FMN2: variants seen among roughly 807,000 people sequenced by gnomAD.
The protein encoded by FMN2 is formin-2.
A neutral mutation model predicts 142.3 loss-of-function variants in FMN2; 51 were observed. That is an observed-to-expected ratio of 0.36 (90% confidence interval 0.29 to 0.45). The LOEUF (loss-of-function observed/expected upper bound fraction) is 0.45, where lower values mean the gene tolerates loss of function less well. Among genes scored for constraint, FMN2 ranks in the 20% least tolerant of loss-of-function variants. The pLI is 1.00. For missense variants in FMN2, 1,936 were observed against 2,122.8 expected, an observed-to-expected ratio of 0.91 and a Z score of 1.73; for synonymous variants, 882 against 869.8, an observed-to-expected ratio of 1.01 and a Z score of -0.25.
At chr1:240,334,350 T>C in intron 13 of FMN2, 121 bp downstream of exon 13, 1 of 1,209,412 alleles carries the variant, frequency 8.3e-7, no homozygotes, top group East Asian at 2.6e-5. Context: ...AATTTGTGTG[T>C]GTGTGGCGAA....
At chr1:240,117,587 G>A (rs150108008) in intron 1 of FMN2, among the ~76,000 whole-genome samples, 13 of 152,326 alleles carry the variant, frequency 8.5e-5, no homozygotes, top group African/African-American at 1.9e-4. Flanking sequence ...GACACAGCAC[G>A]AGTGATGGAT....
At chr1:240,148,285 GAGAC>G (rs200954117) in intron 2 of FMN2, among the ~76,000 whole-genome samples, 122 of 44,834 alleles carry the variant, frequency 2.7e-3, no homozygotes, top group African/African-American at 5.0e-3. Flanking sequence ...GACAGAGACA[GAGAC>G]AGACAGAGAC....
intron 8 of FMN2, among the ~76,000 whole-genome samples, chr1:240,316,560 AG>A (rs146618889): frequency 6.6e-6 from 1 of 152,090 alleles, no homozygotes; most frequent in African/African-American, 2.4e-5. Context: ...GATGTTTTTC[AG>A]GGGAAGACTC....
intron 3 of FMN2, among the ~76,000 whole-genome samples, chr1:240,185,060 T>TG (rs1665362258): frequency 7.0e-6 from 1 of 142,706 alleles, no homozygotes; most frequent in African/African-American, 2.6e-5. Flanking sequence ...CTCCTATACC[T>TG]TCCCCTTCTC....
intron 13 of FMN2, among the ~76,000 whole-genome samples, chr1:240,338,625 T>C (rs1234862329): frequency 6.6e-6 from 1 of 152,160 alleles, no homozygotes; most frequent in Admixed American, 6.5e-5. Flanking sequence ...GGATCCTCAC[T>C]TAGTTCAGCG....
chr1:240,118,509 G>T (rs199974223), intron 1 of FMN2, among the ~76,000 whole-genome samples: 1 of 152,094 alleles, frequency 6.6e-6, no homozygotes, highest in Non-Finnish European at 1.5e-5. Context: ...CCCCTTCCTC[G>T]TTGTTGCTAA....
intron 8 of FMN2, among the ~76,000 whole-genome samples, chr1:240,296,927 G>A (rs1430639399): frequency 6.6e-6 from 1 of 152,182 alleles, no homozygotes; most frequent in Non-Finnish European, 1.5e-5. Context: ...CGTGTGTTTA[G>A]TATATTCACA....
chr1:240,157,679 CTT>C (rs1423479583), intron 2 of FMN2, among the ~76,000 whole-genome samples: 1 of 152,030 alleles, frequency 6.6e-6, no homozygotes, highest in Non-Finnish European at 1.5e-5. Flanking sequence ...TTATGGAACA[CTT>C]GATATTTCAG....
chr1:240,174,043 C>T (rs1021956833), intron 2 of FMN2, among the ~76,000 whole-genome samples: 5 of 152,130 alleles, frequency 3.3e-5, no homozygotes, highest in African/African-American at 9.7e-5. Flanking sequence ...CTCTCAGTCA[C>T]TCCAGCCCTG....
At position 240,441,055 on chromosome 1, in the gene FMN2, C is replaced by T. The variant is rs951063277; in HGVS notation, c.5060+2845C>T. ...CTGTCGCCACACTGGAGTGCGGTGGCGCGATCTTGGCTCACTGCAACCTCT... is the reference window on the plus strand; with the variant it reads ...CTGTCGCCACACTGGAGTGCGGTGGTGCGATCTTGGCTCACTGCAACCTCT... On this transcript the variant is annotated intron_variant, in intron 16 of 17. Transcript: ENST00000319653. 1.5e-4 allele frequency among the ~76,000 whole-genome samples: 21 copies of T among 143,918 alleles called. 1 individual carries two copies. Among genetic ancestry groups the T allele is most frequent in the Admixed American group, 9.0e-4 (12 of 13,388 alleles). 94.4% of individuals were successfully genotyped at this position (143,918 alleles called of 152,430 possible).
chr1:240,204,749 C>T (rs760097263), intron 4 of FMN2, among the ~76,000 whole-genome samples: 10 of 150,702 alleles, frequency 6.6e-5, no homozygotes, highest in Non-Finnish European at 1.0e-4. Flanking sequence ...GAAACTCCGT[C>T]GCAAAAAAAA....
At chr1:240,434,728 ATTTT>A (rs34969961) in intron 15 of FMN2, among the ~76,000 whole-genome samples, 3 of 130,760 alleles carry the variant, frequency 2.3e-5, no homozygotes, top group Admixed American at 1.5e-4. Flanking sequence ...CACCCTGCTA[ATTTT>A]TTTTTTTTTT....
chr1:240,117,227 A>G (rs74149332), intron 1 of FMN2, among the ~76,000 whole-genome samples: 3,661 of 152,300 alleles, frequency 0.024, 148 homozygotes, highest in African/African-American at 0.083. Context: ...GTCTCAGTAA[A>G]TCATTTGACA....
Position 240,361,141 on chromosome 1 carries a change from GTATATATATATATATATATATATATATA to G in FMN2, c.4858+5250_4858+5277del, listed in dbSNP as rs202070560. 1.4e-3 allele frequency among the ~76,000 whole-genome samples: 61 copies of G among 43,246 alleles called. 2 individuals are homozygous for G. Among genetic ancestry groups the G allele is most frequent in the East Asian group, 6.7e-3 (8 of 1,190 alleles). 28.4% of individuals were successfully genotyped at this position (43,246 alleles called of 152,430 possible). ...ATAATAATAATAAATAAATATATGT[GTATATATATATATATATATATATATATA>G]TATATATATATATATAAAAGAGTTT... is the stretch of plus-strand genomic sequence containing the variant. On this transcript the variant is annotated intron_variant, in intron 14 of 17. Transcript: ENST00000319653.
chr1:240,356,324 G>T (rs1672271370), intron 14 of FMN2, among the ~76,000 whole-genome samples: 1 of 151,960 alleles, frequency 6.6e-6, no homozygotes, highest in African/African-American at 2.4e-5. Flanking sequence ...ATTGTACCCA[G>T]GGAACAAACT....
At chr1:240,325,326 C>G (rs182087355) in intron 8 of FMN2, among the ~76,000 whole-genome samples, 1 of 129,388 alleles carries the variant, frequency 7.7e-6, no homozygotes. Flanking sequence ...CTGGGTGACA[C>G]GGTGAGACCC....
chr1:240,388,862 CAA>C lies in FMN2; in HGVS notation c.4859-3635_4859-3634del, dbSNP rs1332625932. Among the ~76,000 whole-genome samples, 372 of 44,344 alleles carry C rather than the reference CAA, an allele frequency of 8.4e-3. 2 individuals carry two copies. Among genetic ancestry groups the C allele is most frequent in the African/African-American group, 0.028 (349 of 12,618 alleles). 29.1% of individuals were successfully genotyped at this position (44,344 alleles called of 152,430 possible). A position where few individuals can be genotyped will look rare whatever the true frequency, so the allele number is the denominator to read the frequency against. On this transcript the variant is annotated intron_variant, in intron 14 of 17. Transcript: ENST00000319653. ...GGGCAACAAGAGCAAAACTCCATCT[CAA>C]AAAAAAAAAAAAAGGGGGGGGGTCA...
chr1:240,318,036 T>C (rs114096379), intron 8 of FMN2, among the ~76,000 whole-genome samples: 104 of 152,352 alleles, frequency 6.8e-4, no homozygotes, highest in Non-Finnish European at 1.4e-3. Context: ...CCATGTATTC[T>C]CTCTGGCGAT....
Position 240,092,911 on chromosome 1 carries a change from G to T in FMN2, c.802G>T (p.Asp268Tyr). Residue 268 changes from aspartate (D) to tyrosine (Y), a missense_variant, in exon 1 of 18, where the codon GAC becomes TAC. Asp to Tyr is a radical substitution (Grantham distance 160, BLOSUM62 -3). This residue lies in a region of FMN2 where 751 missense variants were observed against 791.8 expected (regional missense o/e 0.95). Coordinates refer to ENST00000319653, the MANE Select transcript of FMN2 (RefSeq NM_020066.5). ...GGCTGGGGAGGCCCCGGGCAGTCCG[G>T]ACACCGAGCAGGCGCTGTCCGCGCT... The part of the protein sequence containing the change: ...GGAGEAPGSP[D>Y]TEQALSALSD... 1 of 1,492,254 alleles carries T rather than the reference G, an allele frequency of 6.7e-7. No homozygotes were observed. Among genetic ancestry groups the T allele is most frequent in the Non-Finnish European group, 8.9e-7 (1 of 1,129,044 alleles). The allele number at this position is 1,492,254 out of a possible 1,614,324, so 92.4% of individuals were successfully genotyped here. A position where few individuals can be genotyped will look rare whatever the true frequency, so the allele number is the denominator to read the frequency against.
Sources: gnomAD v4.1 joint callset for allele counts (sites outside exome capture counted in the v4.1 genomes callset) on GRCh38, gnomAD v4.1.1 for gene constraint, gnomAD v4.1.1 regional missense constraint, MANE v1.5 for transcripts, NCBI Gene and HGNC (gene_info 2026-07-23, HGNC 2026-07-21) for gene names.